Variants in CEP295 observed in about 807,000 individuals in gnomAD.
The protein encoded by CEP295 is centrosomal protein of 295 kDa.
CEP295 carries 190 observed loss-of-function variants against 291.6 expected under a neutral mutation model. The observed-to-expected ratio is 0.65, with a 90% CI of 0.58 to 0.73. CEP295 has a LOEUF of 0.73. Among genes scored for constraint, CEP295 ranks in the 30% least tolerant of loss-of-function variants. The pLI is 0.00. For missense variants in CEP295, 2,863 were observed against 2,949.4 expected (o/e 0.97, Z 0.68); for synonymous variants, 993 against 1,038.8 (o/e 0.96, Z 0.85).
chr11:93,677,663 A>C (rs953444904), intron 6 of CEP295, among the ~76,000 whole-genome samples: 1 of 152,172 alleles, frequency 6.6e-6, no homozygotes, highest in Non-Finnish European at 1.5e-5. Context: ...CATTCTGAAA[A>C]TATTCAGTCA....
chr11:93,704,431 A>C (rs1445774254), intron 17 of CEP295, among the ~76,000 whole-genome samples: 1 of 152,040 alleles, frequency 6.6e-6, no homozygotes, highest in East Asian at 1.9e-4. Flanking sequence ...TAATGCAGGG[A>C]AACCCCCTCT....
At chr11:93,695,925 C>T (rs754156814) in intron 13 of CEP295, among the ~76,000 whole-genome samples, 50 of 152,032 alleles carry the variant, frequency 3.3e-4, no homozygotes, top group African/African-American at 7.5e-4. Flanking sequence ...GCAGGAGAAT[C>T]GCTTGAACCT....
chr11:93,701,294 GGTT>G lies in CEP295; in HGVS notation c.5274+1110_5274+1112del, dbSNP rs545091444. ...GTGGGAGGATGACTTGAGCCCAGGA[GGTT>G]GAGGCTGCAGTGAGCCATATTATGC... On this transcript the variant is annotated intron_variant, in intron 15 of 29. Transcript: ENST00000325212. Among the ~76,000 whole-genome samples the G allele has an allele frequency of 2.6e-5, 4 of 152,148 alleles. No individual in the cohort carries two copies. The South Asian group carries it at 8.3e-4, about 32-fold the overall frequency.
chr11:93,700,231 C>A, intron 15 of CEP295, 45 bp downstream of exon 15: 1 of 1,449,696 alleles, frequency 6.9e-7, no homozygotes, highest in Admixed American at 2.7e-5. Flanking sequence ...GAAGTTTAAA[C>A]CCAAATCAGT....
intron 3 of CEP295, among the ~76,000 whole-genome samples, chr11:93,668,062 T>C (rs1488776020): frequency 1.3e-5 from 2 of 152,164 alleles, no homozygotes; most frequent in Admixed American, 6.5e-5. Context: ...CTTCCAGTAC[T>C]CCTCTATCTG....
chr11:93,720,379 A>C (rs1389661280), intron 18 of CEP295, among the ~76,000 whole-genome samples: 1 of 149,416 alleles, frequency 6.7e-6, no homozygotes, highest in Non-Finnish European at 1.5e-5. Flanking sequence ...AGGCTGAGGC[A>C]GGGAGAATTG....
At chr11:93,701,455 G>A (rs1465924241) in intron 15 of CEP295, among the ~76,000 whole-genome samples, 4 of 152,324 alleles carry the variant, frequency 2.6e-5, no homozygotes, top group African/African-American at 7.2e-5. Context: ...AGAAGCTTGA[G>A]TTGGGTTCAG....
chr11:93,705,422 C>T (rs1952451166), intron 17 of CEP295, among the ~76,000 whole-genome samples: 2 of 152,122 alleles, frequency 1.3e-5, no homozygotes, highest in South Asian at 4.1e-4. Flanking sequence ...TTGAGAAATA[C>T]TGATCTATAT....
chr11:93,689,660 C>T (rs1227762505), intron 10 of CEP295, among the ~76,000 whole-genome samples: 1 of 152,114 alleles, frequency 6.6e-6, no homozygotes, highest in African/African-American at 2.4e-5. Context: ...CCTGCTTTCC[C>T]CCCATAGCTC....
chr11:93,718,900 G>C (rs1211222121), intron 18 of CEP295, among the ~76,000 whole-genome samples: 1 of 152,186 alleles, frequency 6.6e-6, no homozygotes, highest in East Asian at 1.9e-4. Context: ...CATAAGGTCA[G>C]GAATTCGAGA....
rs1281176922 is a variant in CEP295, at chr11:93,699,041, C to G, written c.4129C>G (p.Leu1377Val). ...LARQEAREEL[L>V]LHQSEWEGRI... ...TAGACAAGAAGCTCGGGAAGAATTA[C>G]TTTTACATCAGAGTGAATGGGAGGG... Residue 1377 changes from leucine to valine, a missense_variant, in exon 15 of 30, where the codon CTT becomes GTT. This residue lies in a region of CEP295 where 2,295 missense variants were observed against 2,335.7 expected (regional missense o/e 0.98). Coordinates refer to ENST00000325212, the MANE Select transcript of CEP295 (RefSeq NM_033395.2). 1 of 1,546,220 alleles carries G rather than the reference C, an allele frequency of 6.5e-7. No individual in the cohort carries two copies. The highest frequency in any genetic ancestry group is 1.4e-5 in the African/African-American group (1 of 73,054).
At chr11:93,713,233 C>T (rs191775904) in intron 18 of CEP295, among the ~76,000 whole-genome samples, 15 of 152,292 alleles carry the variant, frequency 9.8e-5, no homozygotes, top group African/African-American at 3.6e-4. Flanking sequence ...GAGTAGTTTA[C>T]ACAAAACAAT....
intron 18 of CEP295, among the ~76,000 whole-genome samples, chr11:93,718,248 TA>T (rs1265976658): frequency 6.6e-6 from 1 of 152,230 alleles, no homozygotes; most frequent in East Asian, 1.9e-4. Context: ...GTCTTGTTAC[TA>T]CTATTCCATT....
intron 18 of CEP295, among the ~76,000 whole-genome samples, chr11:93,717,045 C>T (rs1325483672): frequency 1.3e-5 from 2 of 152,182 alleles, no homozygotes; most frequent in African/African-American, 2.4e-5. Flanking sequence ...GTCTACAGAG[C>T]ACATTAGATA....
In CEP295 at chr11:93,691,776, G is replaced by T. The variant is rs1361347151; in HGVS notation, c.1429+1G>T. The T allele has an allele frequency of 1.1e-5, 17 of 1,523,210 alleles. No homozygotes were observed. The highest frequency in any genetic ancestry group is 1.5e-5 in the Non-Finnish European group (17 of 1,128,738). 94.4% of individuals were successfully genotyped at this position (1,523,210 alleles called of 1,614,324 possible). On this transcript the variant is annotated splice_donor_variant, in intron 11 of 29. Coordinates refer to ENST00000325212, the MANE Select transcript of CEP295 (RefSeq NM_033395.2). LOFTEE classifies it high-confidence loss of function. ...GGTACAAACTCTGGAAAAGAACAAG[G>T]TATTTCTTTTTATCACATCCTCAAA...
intron 4 of CEP295, 74 bp from the exon 5 acceptor site, chr11:93,669,603 T>TA (rs2134805288): frequency 6.4e-6 from 6 of 943,106 alleles, no homozygotes; most frequent in South Asian, 5.9e-5. Context: ...GCCTATGACT[T>TA]ACATATTTTT....
intron 18 of CEP295, among the ~76,000 whole-genome samples, chr11:93,711,510 G>T (rs1174585122): frequency 6.6e-6 from 1 of 151,764 alleles, no homozygotes. Flanking sequence ...TTTTGTTTTT[G>T]TTTTTGTTTT....
chr11:93,697,691 C>A lies in CEP295; in HGVS notation c.2779C>A (p.His927Asn). 6.4e-7 allele frequency: 1 copy of A among 1,551,750 alleles called. No individual in the cohort carries two copies. Among genetic ancestry groups the A allele is most frequent in the South Asian group, 1.2e-5 (1 of 84,052 alleles). The part of the protein sequence containing the change: ...KNNIAVSSDH[H>N]VISQLQDKRL... ...TAATATTGCAGTTTCCTCAGACCAT[C>A]ATGTGATCTCACAACTTCAGGATAA... The change falls in exon 15 of 30, where the codon CAT (histidine) becomes AAT (asparagine). Residue 927 changes from histidine to asparagine, a missense_variant. Coordinates refer to ENST00000325212, the MANE Select transcript of CEP295 (RefSeq NM_033395.2).
At chr11:93,678,749 TA>T (rs954589841) in intron 6 of CEP295, among the ~76,000 whole-genome samples, 8 of 149,804 alleles carry the variant, frequency 5.3e-5, no homozygotes, top group East Asian at 1.9e-4. Context: ...CCCATCTCTT[TA>T]AAAAAAAAAG....
Sources: gnomAD v4.1 joint callset for allele counts (sites outside exome capture counted in the v4.1 genomes callset) on GRCh38, gnomAD v4.1.1 for gene constraint, gnomAD v4.1.1 regional missense constraint, MANE v1.5 for transcripts, NCBI Gene and HGNC (gene_info 2026-07-23, HGNC 2026-07-21) for gene names.